EXOC6: variants seen among roughly 807,000 people sequenced by gnomAD.
The protein encoded by EXOC6 is exocyst complex component 6.
A neutral mutation model predicts 112.5 loss-of-function variants in EXOC6; 60 were observed. The observed-to-expected ratio is 0.53, with a 90% CI of 0.43 to 0.66. EXOC6 has a LOEUF of 0.66. Ranked by LOEUF, EXOC6 falls within the 30% of genes least tolerant of loss-of-function variation. EXOC6 has a pLI of 0.00. For synonymous variants in EXOC6, 295 were observed against 308.0 expected (o/e 0.96, Z 0.44); for missense variants, 855 against 957.1 (o/e 0.89, Z 1.41).
chr10:92,928,833 A>G (rs758262913), intron 9 of EXOC6, among the ~76,000 whole-genome samples: 1 of 152,230 alleles, frequency 6.6e-6, no homozygotes, highest in Non-Finnish European at 1.5e-5. Flanking sequence ...ACTGTTCTAT[A>G]TATTGGTTGT....
intron 1 of EXOC6, among the ~76,000 whole-genome samples, chr10:92,863,216 G>A (rs1214753155): frequency 6.6e-6 from 1 of 152,134 alleles, no homozygotes. Context: ...CGATAGCAAG[G>A]GCATTGGCAA....
intron 18 of EXOC6, among the ~76,000 whole-genome samples, chr10:92,983,214 T>G (rs1174925555): frequency 6.6e-6 from 1 of 152,228 alleles, no homozygotes; most frequent in Non-Finnish European, 1.5e-5. Context: ...TCTGTTTTGC[T>G]TTCATTCCAG....
chr10:92,892,920 A>G (rs1849578203), intron 1 of EXOC6, among the ~76,000 whole-genome samples: 1 of 152,242 alleles, frequency 6.6e-6, no homozygotes, highest in African/African-American at 2.4e-5. Flanking sequence ...AACAATACCT[A>G]CTTTGTAGCC....
intron 19 of EXOC6, among the ~76,000 whole-genome samples, chr10:93,009,480 C>G (rs964952488): frequency 2.6e-5 from 4 of 152,158 alleles, no homozygotes; most frequent in African/African-American, 9.7e-5. Flanking sequence ...CGTCCCTGCT[C>G]TCAGGGAGTT....
At chr10:93,058,141 G>A (rs1238139427) in intron 21 of EXOC6, 82 bp from the exon 22 acceptor site, 1 of 1,292,588 alleles carries the variant, frequency 7.7e-7, no homozygotes, top group Non-Finnish European at 1.1e-6. Context: ...GGATAATTCA[G>A]AGCATGCCAA....
Position 93,014,227 on chromosome 10 carries a change from A to G in EXOC6, c.2129A>G (p.Gln710Arg), listed in dbSNP as rs1442492702. The G allele has an allele frequency of 6.2e-7, 1 of 1,613,398 alleles. No individual in the cohort carries two copies. The change falls in exon 20 of 22, where the codon CAG becomes CGG. Residue 710 changes from glutamine (Q) to arginine (R), a missense_variant. Transcript: ENST00000260762. ...FASSEPVPGF[Q>R]GDTLQLAFID... ...AGCTCTGAGCCTGTGCCAGGATTCC[A>G]GGGGGATACCCTGCAGCTAGCATTC...
At chr10:92,847,316 A>G (rs563594350), upstream of EXOC6, among the ~76,000 whole-genome samples, 93 of 152,346 alleles carry the variant, frequency 6.1e-4, 1 homozygote, top group Non-Finnish European at 1.1e-3. Flanking sequence ...TTCTTGCCCA[A>G]TGTCACACAG....
At chr10:92,834,771 G>A (rs1846610527) in exon 1 of EXOC6, 1 of 1,610,778 alleles carries the variant, frequency 6.2e-7, no homozygotes, top group African/African-American at 1.3e-5. Flanking sequence ...AAACCTATGA[G>A]AATGTCCTGG....
At chr10:92,937,372 C>G (rs1239838018) in intron 12 of EXOC6, among the ~76,000 whole-genome samples, 1 of 152,106 alleles carries the variant, frequency 6.6e-6, no homozygotes, top group Non-Finnish European at 1.5e-5. Flanking sequence ...ATATATTTGA[C>G]CCTTGAATCT....
At chr10:92,899,709 C>A in intron 5 of EXOC6, 65 bp downstream of exon 5, 8 of 1,147,740 alleles carry the variant, frequency 7.0e-6, no homozygotes, top group Non-Finnish European at 1.0e-5. Context: ...AGGACAGATA[C>A]ATTTACTATA....
chr10:92,833,761 T>C (rs2133567747), upstream of EXOC6, among the ~76,000 whole-genome samples: 1 of 152,352 alleles, frequency 6.6e-6, no homozygotes, highest in Middle Eastern at 3.4e-3. Context: ...ATTTCTTGTA[T>C]TAAGCAAGAA....
In EXOC6 at chr10:92,960,592, C is replaced by CAA. The variant is rs56016433; in HGVS notation, c.1773+4893_1773+4894dup. On this transcript the variant is annotated intron_variant, in intron 17 of 21. Coordinates refer to ENST00000260762, the MANE Select transcript of EXOC6 (RefSeq NM_019053.6). ...TCTAAAAAATAGTCTATTTAAATTG[C>CAA]AAAAAAAAAAAAAAAAGGCGAACAC... 1.0e-2 allele frequency among the ~76,000 whole-genome samples: 1,126 copies of CAA among 112,916 alleles called. 9 individuals carry two copies. The highest frequency in any genetic ancestry group is 0.013 in the Non-Finnish European group (646 of 51,246). 74.1% of individuals were successfully genotyped at this position (112,916 alleles called of 152,430 possible).
intron 1 of EXOC6, among the ~76,000 whole-genome samples, chr10:92,883,870 G>C (rs943014220): frequency 3.9e-4 from 60 of 151,964 alleles, no homozygotes; most frequent in Non-Finnish European, 5.6e-4. Flanking sequence ...AAAGAGTTAA[G>C]TTTTGTTTTC....
intron 20 of EXOC6, 63 bp from the exon 21 acceptor site, chr10:93,056,861 A>T: frequency 3.4e-6 from 3 of 877,530 alleles, no homozygotes; most frequent in Non-Finnish European, 5.6e-6. Flanking sequence ...GATAGCATAT[A>T]ATTTAAGTAT....
chr10:92,949,989 T>A (rs1853306667), intron 14 of EXOC6, among the ~76,000 whole-genome samples: 1 of 152,160 alleles, frequency 6.6e-6, no homozygotes, highest in Non-Finnish European at 1.5e-5. Flanking sequence ...ATCTCTAATA[T>A]CCCTTCCAAT....
intron 5 of EXOC6, chr10:92,900,913 T>A (rs1485029578): frequency 1.3e-5 from 2 of 152,204 alleles, no homozygotes; most frequent in Non-Finnish European, 2.9e-5. Flanking sequence ...TTTCCCTCCC[T>A]GAAAACATTG....
intron 5 of EXOC6, among the ~76,000 whole-genome samples, chr10:92,906,465 T>C (rs957472728): frequency 2.0e-5 from 3 of 152,154 alleles, no homozygotes; most frequent in African/African-American, 7.2e-5. Context: ...ATTTGTACTT[T>C]GTAGGCCAGA....
chr10:92,846,409 G>A (rs557282048), upstream of EXOC6, among the ~76,000 whole-genome samples: 4 of 152,148 alleles, frequency 2.6e-5, no homozygotes, highest in Admixed American at 6.5e-5. Context: ...CCGCAGCCTC[G>A]AACTCCTGGG....
intron 17 of EXOC6, among the ~76,000 whole-genome samples, chr10:92,956,007 AAATT>A (rs761707488): frequency 1.2e-4 from 18 of 152,150 alleles, no homozygotes; most frequent in African/African-American, 3.9e-4. Flanking sequence ...CACAGTTTAA[AAATT>A]AATTCTATAT....
Sources: allele counts gnomAD v4.1 joint callset (sites outside exome capture counted in the v4.1 genomes callset), GRCh38; gene constraint gnomAD v4.1.1; transcripts MANE v1.5; gene names NCBI Gene and HGNC (gene_info 2026-07-23, HGNC 2026-07-21).